Variants in GPHN observed in about 807,000 individuals in gnomAD.
GPHN encodes the protein gephyrin.
GPHN carries 17 observed loss-of-function variants against 95.5 expected under a neutral mutation model. That is an observed-to-expected ratio of 0.18 (90% CI 0.12 to 0.27). GPHN has a LOEUF of 0.27. GPHN is among the 10% of genes least tolerant of loss of function. The pLI, the probability that GPHN is intolerant of heterozygous loss-of-function variation, is 1.00. For synonymous variants in GPHN, 320 were observed against 322.5 expected (o/e 0.99, Z 0.08); for missense variants, 660 against 978.1 (o/e 0.67, Z 4.34).
At chr14:67,395,679 A>C in the GPHN span, 1 of 919,064 alleles carries the variant, frequency 1.1e-6, no homozygotes, top group Non-Finnish European at 1.7e-6. Flanking sequence ...TCTAGGTGAC[A>C]GTGACTGCCA....
intron 1 of GPHN, among the ~76,000 whole-genome samples, chr14:66,625,521 T>C (rs2063492700): frequency 6.6e-6 from 1 of 152,164 alleles, no homozygotes; most frequent in Admixed American, 6.5e-5. Context: ...TCTTTCCTAT[T>C]GTCTGCCTTT....
At chr14:66,564,917 T>C (rs2060400452) in intron 1 of GPHN, among the ~76,000 whole-genome samples, 1 of 152,160 alleles carries the variant, frequency 6.6e-6, no homozygotes, top group African/African-American at 2.4e-5. Context: ...TGGCCTTTAC[T>C]AGTGTTCTTG....
chr14:66,956,337 A>AC (rs201454916), intron 8 of GPHN, among the ~76,000 whole-genome samples: 2,302 of 151,946 alleles, frequency 0.015, 33 homozygotes, highest in Non-Finnish European at 0.018. Flanking sequence ...TTTCTCTTTC[A>AC]CCATTGGTTA....
At chr14:67,420,624 C>T in the GPHN span, among the ~76,000 whole-genome samples, 1 of 152,110 alleles carries the variant, frequency 6.6e-6, no homozygotes, top group Non-Finnish European at 1.5e-5. Context: ...TTGAGGCATC[C>T]CACCCTTGCC....
At chr14:67,463,147 G>C in the GPHN span, among the ~76,000 whole-genome samples, 1 of 152,200 alleles carries the variant, frequency 6.6e-6, no homozygotes, top group East Asian at 1.9e-4. Context: ...AACTGGACAT[G>C]GTGGCTCACA....
At chr14:67,157,684 C>T (rs2081683850) in intron 18 of GPHN, among the ~76,000 whole-genome samples, 1 of 151,948 alleles carries the variant, frequency 6.6e-6, no homozygotes, top group East Asian at 1.9e-4. Flanking sequence ...ATTCGCCGGG[C>T]ATGGTGGCAT....
At chr14:67,202,580 A>G in the GPHN span, among the ~76,000 whole-genome samples, 1 of 152,220 alleles carries the variant, frequency 6.6e-6, no homozygotes, top group Non-Finnish European at 1.5e-5. Flanking sequence ...TATAAATATA[A>G]GAAGAGTTTG....
chr14:66,802,406 A>C (rs185106124), intron 3 of GPHN, among the ~76,000 whole-genome samples: 1 of 152,210 alleles, frequency 6.6e-6, no homozygotes, highest in East Asian at 1.9e-4. Context: ...AATGTCATCC[A>C]AGAGGCAGTT....
the GPHN span, among the ~76,000 whole-genome samples, chr14:67,274,658 G>A: frequency 6.6e-6 from 1 of 152,170 alleles, no homozygotes; most frequent in Non-Finnish European, 1.5e-5. Flanking sequence ...ATTCTGTGAA[G>A]AAAGTCATTG....
the GPHN span, among the ~76,000 whole-genome samples, chr14:67,733,454 G>A: frequency 2.0e-5 from 3 of 152,126 alleles, no homozygotes; most frequent in African/African-American, 7.2e-5. Context: ...CATTGCAGTT[G>A]TTGCAGATAT....
intron 9 of GPHN, among the ~76,000 whole-genome samples, chr14:66,978,060 A>C (rs2070381169): frequency 6.6e-6 from 1 of 152,256 alleles, no homozygotes; most frequent in Non-Finnish European, 1.5e-5. Context: ...ATTAAGTGTG[A>C]AAAGGATTAT....
chr14:67,662,509 A>C, the GPHN span: 1 of 1,611,754 alleles, frequency 6.2e-7, no homozygotes. Context: ...TTTTCATCAA[A>C]ATCCCTGATC....
chr14:66,780,533 TC>T (rs2059566908), intron 3 of GPHN, among the ~76,000 whole-genome samples: 1 of 151,996 alleles, frequency 6.6e-6, no homozygotes, highest in East Asian at 1.9e-4. Flanking sequence ...TTTTTTTTTT[TC>T]ATTGTGTGTG....
chr14:67,078,328 G>T (rs1158337430), intron 11 of GPHN, among the ~76,000 whole-genome samples: 1 of 152,110 alleles, frequency 6.6e-6, no homozygotes, highest in Non-Finnish European at 1.5e-5. Flanking sequence ...ATGTTTTTCT[G>T]AAATTACATT....
chr14:67,571,533 C>G, the GPHN span: 1 of 495,030 alleles, frequency 2.0e-6, no homozygotes. Flanking sequence ...GCTTTGGGGA[C>G]CACAGAAGAT....
At chr14:67,320,362 A>C in the GPHN span, 1 of 1,611,394 alleles carries the variant, frequency 6.2e-7, no homozygotes, top group South Asian at 1.1e-5. Context: ...AGGCTCATGA[A>C]CAAAGAAAAG....
the GPHN span, chr14:67,223,963 A>G: frequency 1.0e-6 from 1 of 985,172 alleles, no homozygotes. Context: ...TCTAATTTAT[A>G]TTATAGGCGG....
the GPHN span, among the ~76,000 whole-genome samples, chr14:67,701,455 A>G: frequency 6.6e-5 from 7 of 105,838 alleles, no homozygotes; most frequent in African/African-American, 1.9e-4. Flanking sequence ...TTTGAGATGG[A>G]GTCTGTTGCC....
At chr14:67,091,059 A>G (rs1363676256) in intron 12 of GPHN, among the ~76,000 whole-genome samples, 2 of 152,008 alleles carry the variant, frequency 1.3e-5, no homozygotes, top group South Asian at 2.1e-4. Context: ...TTCTTAAACT[A>G]TCTCTGAAAA....
Sources: allele counts gnomAD v4.1 joint callset (sites outside exome capture counted in the v4.1 genomes callset), GRCh38; gene constraint gnomAD v4.1.1; transcripts MANE v1.5; gene names NCBI Gene and HGNC (gene_info 2026-07-23, HGNC 2026-07-21).